The following KDM5A variants were observed in gnomAD, a reference collection of about 807,000 sequenced individuals.
KDM5A encodes the protein lysine demethylase 5A.
Under a neutral mutation model 193.5 loss-of-function variants are expected in KDM5A, and 42 were observed. That is an observed-to-expected ratio of 0.22 (90% confidence interval 0.17 to 0.28). The LOEUF (loss-of-function observed/expected upper bound fraction) is 0.28. Ranked by LOEUF, KDM5A falls within the 10% of genes least tolerant of loss-of-function variation. The pLI is 1.00. For missense variants in KDM5A, 1,692 were observed against 2,055.1 expected, an observed-to-expected ratio of 0.82 and a Z score of 3.42; for synonymous variants, 796 against 718.1, an observed-to-expected ratio of 1.11 and a Z score of -1.73.
chr12:358,519 T>C (rs1276928800), intron 5 of KDM5A, among the ~76,000 whole-genome samples: 2 of 152,232 alleles, frequency 1.3e-5, no homozygotes, highest in East Asian at 1.9e-4. Context: ...AAATAGTATA[T>C]GCCATATCTA....
At chr12:296,415 T>C (rs1943375211) in intron 25 of KDM5A, among the ~76,000 whole-genome samples, 2 of 151,962 alleles carry the variant, frequency 1.3e-5, no homozygotes, top group Non-Finnish European at 2.9e-5. Context: ...CCAGAATCTC[T>C]CCATTTTAGA....
chr12:338,140 A>G (rs1443843443), intron 10 of KDM5A, among the ~76,000 whole-genome samples: 1 of 152,128 alleles, frequency 6.6e-6, no homozygotes, highest in Non-Finnish European at 1.5e-5. Flanking sequence ...AAGGCCTACT[A>G]AAAGTTTGGC....
At chr12:296,665 C>T (rs928508118) in intron 25 of KDM5A, among the ~76,000 whole-genome samples, 3 of 152,124 alleles carry the variant, frequency 2.0e-5, no homozygotes, top group African/African-American at 7.2e-5. Context: ...GAAGAACTTT[C>T]TAACAATTAA....
At chr12:363,617 C>A (rs1314012645) in intron 4 of KDM5A, among the ~76,000 whole-genome samples, 6 of 152,054 alleles carry the variant, frequency 3.9e-5, no homozygotes, top group African/African-American at 9.7e-5. Context: ...ATACTATACA[C>A]ACAAAAAAAG....
At chr12:303,980 G>GT (rs1451712595) in intron 24 of KDM5A, among the ~76,000 whole-genome samples, 1 of 152,128 alleles carries the variant, frequency 6.6e-6, no homozygotes, top group Non-Finnish European at 1.5e-5. Context: ...AGTGATGAGG[G>GT]GGAAAAATAA....
rs1328611316 is a variant in KDM5A at position 283,558 on chromosome 12, G to C, written c.*1898C>G. On this transcript the variant is annotated 3_prime_UTR_variant, in exon 28 of 28. Transcript: ENST00000399788. ...TTTATAAGAAAACATCTTTTTTTTTGTAAGATTCCTTTTGAGTTAAATCTC... is the reference window on the plus strand; with the variant it reads ...TTTATAAGAAAACATCTTTTTTTTTCTAAGATTCCTTTTGAGTTAAATCTC... The C allele has an allele frequency of 4.3e-6, 1 of 232,018 alleles. No homozygotes were observed. The highest frequency in any genetic ancestry group is 6.1e-5 in the East Asian group (1 of 16,408). 14.4% of individuals were successfully genotyped at this position (232,018 alleles called of 1,614,324 possible).
chr12:353,487 C>T (rs1183337311), intron 8 of KDM5A, among the ~76,000 whole-genome samples: 1 of 151,998 alleles, frequency 6.6e-6, no homozygotes, highest in East Asian at 1.9e-4. Flanking sequence ...TTTATTGTTG[C>T]CCAGCAATAT....
intron 1 of KDM5A, among the ~76,000 whole-genome samples, chr12:387,533 C>T (rs1944652678): frequency 6.6e-6 from 1 of 152,130 alleles, no homozygotes; most frequent in Non-Finnish European, 1.5e-5. Flanking sequence ...CAATGCGTAT[C>T]ATCATAGCAA....
At chr12:322,623 T>G (rs192288101) in intron 16 of KDM5A, 56 bp from the exon 17 acceptor site, 1 of 1,494,866 alleles carries the variant, frequency 6.7e-7, no homozygotes, top group African/African-American at 1.4e-5. Context: ...AAAAAGCCAT[T>G]CTAAAATCTT....
intron 12 of KDM5A, chr12:333,051 A>G (rs575706182): frequency 2.8e-5 from 6 of 217,478 alleles, no homozygotes; most frequent in South Asian, 2.1e-4. Flanking sequence ...CTAAAAGATG[A>G]TATGACTCAT....
chr12:323,351 A>G, intron 15 of KDM5A, 145 bp from the exon 16 acceptor site: 1 of 1,098,234 alleles, frequency 9.1e-7, no homozygotes. Context: ...TAGTTCACAT[A>G]AAGAGAAAAT....
At chr12:316,460 G>T (rs1478714432) in intron 19 of KDM5A, among the ~76,000 whole-genome samples, 1 of 152,224 alleles carries the variant, frequency 6.6e-6, no homozygotes, top group Non-Finnish European at 1.5e-5. Flanking sequence ...AACTAGGTCA[G>T]TGACAATGAA....
At chr12:310,299 T>A (rs559416049) in intron 21 of KDM5A, among the ~76,000 whole-genome samples, 21 of 152,272 alleles carry the variant, frequency 1.4e-4, no homozygotes, top group African/African-American at 4.8e-4. Flanking sequence ...ATGAAAGGGA[T>A]GATGAATATA....
intron 5 of KDM5A, among the ~76,000 whole-genome samples, chr12:357,600 C>T (rs985994404): frequency 6.6e-6 from 1 of 151,674 alleles, no homozygotes; most frequent in African/African-American, 2.4e-5. Flanking sequence ...GAGGCCGAGG[C>T]GGGCGGATCA....
intron 3 of KDM5A, among the ~76,000 whole-genome samples, chr12:382,463 CAAA>C (rs773047995): frequency 2.1e-5 from 2 of 96,236 alleles, no homozygotes. Flanking sequence ...GACTCCATTT[CAAA>C]AAAAAAAAAA....
rs767213875 is a variant in KDM5A, at chr12:292,755, T to C, written c.4866+4A>G. The stretch of plus-strand genomic sequence containing the variant: ...ATGCTTGACTATAAACAGTTGGAAC[T>C]CACCTTGTCCTTGCAGGGCCTTTGG... On this transcript the variant is annotated splice_donor_region_variant and intron_variant, in intron 27 of 27. Coordinates refer to ENST00000399788, the MANE Select transcript of KDM5A (RefSeq NM_001042603.3). 1 of 1,614,132 alleles carries C rather than the reference T, an allele frequency of 6.2e-7. No individual in the cohort carries two copies. Among genetic ancestry groups the C allele is most frequent in the African/African-American group, 1.3e-5 (1 of 74,952 alleles).
intron 24 of KDM5A, among the ~76,000 whole-genome samples, chr12:302,821 C>A (rs1357806663): frequency 2.0e-5 from 3 of 152,070 alleles, no homozygotes; most frequent in African/African-American, 7.2e-5. Context: ...AACAAATTTA[C>A]AAGAAAAAAA....
intron 9 of KDM5A, among the ~76,000 whole-genome samples, chr12:351,426 A>G (rs981296736): frequency 5.9e-5 from 9 of 152,134 alleles, no homozygotes; most frequent in Admixed American, 6.6e-5. Flanking sequence ...TCCATGGTAT[A>G]TATGTGCCAC....
At chr12:343,746 A>G (rs1215297342) in intron 10 of KDM5A, among the ~76,000 whole-genome samples, 3 of 152,258 alleles carry the variant, frequency 2.0e-5, no homozygotes, top group African/African-American at 7.2e-5. Flanking sequence ...ATCTATACCA[A>G]AACCCCATCT....
Sources: gnomAD v4.1 joint callset for allele counts (sites outside exome capture counted in the v4.1 genomes callset) on GRCh38, gnomAD v4.1.1 for gene constraint, MANE v1.5 for transcripts, NCBI Gene and HGNC (gene_info 2026-07-23, HGNC 2026-07-21) for gene names.